NRXN1: variants seen among roughly 807,000 people sequenced by gnomAD.
The protein encoded by NRXN1 is neurexin 1, also known as neurexin-1.
NRXN1 carries 39 observed loss-of-function variants against 150.9 expected under a neutral mutation model. The ratio of observed to expected loss-of-function variants is 0.26; its 90% CI spans 0.20 to 0.34. NRXN1 has a LOEUF of 0.34. NRXN1 is among the 10% of genes least tolerant of loss of function. The pLI is 1.00. For missense variants in NRXN1, 1,815 were observed against 1,949.9 expected (o/e 0.93, Z 1.30); for synonymous variants, 924 against 757.0 (o/e 1.22, Z -3.62).
intron 5 of NRXN1, among the ~76,000 whole-genome samples, chr2:50,776,201 G>C (rs1446726912): frequency 1.3e-5 from 2 of 152,006 alleles, no homozygotes; most frequent in African/African-American, 2.4e-5. Context: ...ATAAAATTTG[G>C]ATGTAAAATA....
chr2:50,549,987 G>A (rs905100845), intron 9 of NRXN1, among the ~76,000 whole-genome samples: 5 of 152,012 alleles, frequency 3.3e-5, no homozygotes, highest in Non-Finnish European at 7.4e-5. Flanking sequence ...ATAGAAGAAA[G>A]ACTGGAAAGA....
At chr2:50,405,131 C>G (rs1309381338) in intron 17 of NRXN1, among the ~76,000 whole-genome samples, 1 of 152,136 alleles carries the variant, frequency 6.6e-6, no homozygotes, top group African/African-American at 2.4e-5. Context: ...TCTTCAAAGT[C>G]AATATATCTG....
At chr2:50,221,230 A>G (rs1035581289) in intron 18 of NRXN1, among the ~76,000 whole-genome samples, 8 of 152,018 alleles carry the variant, frequency 5.3e-5, no homozygotes, top group Admixed American at 2.0e-4. Context: ...CTGCCTAACA[A>G]ATCAAAACAC....
At chr2:50,805,185 T>C (rs192318261) in intron 5 of NRXN1, among the ~76,000 whole-genome samples, 1 of 152,130 alleles carries the variant, frequency 6.6e-6, no homozygotes, top group East Asian at 1.9e-4. Context: ...AAAATATGTC[T>C]TCTACTAAAG....
intron 5 of NRXN1, among the ~76,000 whole-genome samples, chr2:50,652,944 T>G (rs542879423): frequency 2.8e-4 from 42 of 152,224 alleles, no homozygotes; most frequent in African/African-American, 8.9e-4. Context: ...ATGTTGAGCC[T>G]CTATCATTTG....
At chr2:50,556,682 GA>G (rs1356921794) in intron 8 of NRXN1, among the ~76,000 whole-genome samples, 1 of 152,030 alleles carries the variant, frequency 6.6e-6, no homozygotes, top group African/African-American at 2.4e-5. Flanking sequence ...TACCTTTGAG[GA>G]AAACAATCAC....
intron 2 of NRXN1, among the ~76,000 whole-genome samples, chr2:51,004,816 C>T (rs548516278): frequency 1.3e-5 from 2 of 151,828 alleles, no homozygotes; most frequent in African/African-American, 4.8e-5. Context: ...TTTCTTGTGC[C>T]AAGGTTACTG....
At chr2:50,481,797 G>A (rs1265378485) in intron 15 of NRXN1, among the ~76,000 whole-genome samples, 3 of 97,912 alleles carry the variant, frequency 3.1e-5, no homozygotes, top group South Asian at 3.2e-4. Context: ...ACGGAGTCTC[G>A]CTCTGTCGCC....
intron 18 of NRXN1, among the ~76,000 whole-genome samples, chr2:50,098,465 G>A (rs1395934308): frequency 6.6e-6 from 1 of 152,056 alleles, no homozygotes; most frequent in Non-Finnish European, 1.5e-5. Flanking sequence ...AGGTTCTAAT[G>A]CAACTCCCAG....
At chr2:50,280,811 A>T (rs1448471686) in intron 17 of NRXN1, among the ~76,000 whole-genome samples, 10 of 152,104 alleles carry the variant, frequency 6.6e-5, no homozygotes, top group Non-Finnish European at 8.8e-5. Flanking sequence ...CTGAGGGAAG[A>T]ATATGATTAA....
intron 8 of NRXN1, among the ~76,000 whole-genome samples, chr2:50,579,406 A>G (rs1671914775): frequency 6.6e-6 from 1 of 152,214 alleles, no homozygotes; most frequent in South Asian, 2.1e-4. Flanking sequence ...GATGCCCGTT[A>G]TCCTGGTACT....
intron 5 of NRXN1, among the ~76,000 whole-genome samples, chr2:50,695,607 C>T (rs1378251923): frequency 1.3e-5 from 2 of 151,886 alleles, no homozygotes; most frequent in Non-Finnish European, 2.9e-5. Context: ...AATTATTGTA[C>T]AAAACGAGAA....
intron 17 of NRXN1, among the ~76,000 whole-genome samples, chr2:50,286,785 T>C (rs1001446682): frequency 1.3e-5 from 2 of 152,096 alleles, no homozygotes; most frequent in Non-Finnish European, 2.9e-5. Flanking sequence ...ATATAGAAAT[T>C]CATATTATCG....
intron 5 of NRXN1, among the ~76,000 whole-genome samples, chr2:50,723,328 G>A (rs377270541): frequency 1.3e-4 from 20 of 152,114 alleles, no homozygotes; most frequent in African/African-American, 2.9e-4. Context: ...GTGTCTTGTC[G>A]GTTTTGAAGA....
intron 5 of NRXN1, among the ~76,000 whole-genome samples, chr2:50,754,824 C>T (rs1032660873): frequency 6.6e-6 from 1 of 151,898 alleles, no homozygotes; most frequent in Non-Finnish European, 1.5e-5. Context: ...AAAAGTATTA[C>T]TGAAAAATGT....
At chr2:49,948,829 C>T (rs72834716) in intron 21 of NRXN1, among the ~76,000 whole-genome samples, 187 of 151,862 alleles carry the variant, frequency 1.2e-3, no homozygotes, top group Non-Finnish European at 2.0e-3. Context: ...AGACAACCTG[C>T]TGAAAAAGAC....
chr2:50,793,286 G>C (rs942277321), intron 5 of NRXN1, among the ~76,000 whole-genome samples: 1 of 152,182 alleles, frequency 6.6e-6, no homozygotes, highest in East Asian at 1.9e-4. Context: ...GTATGAAAAT[G>C]TTCAGATAAA....
At chr2:50,031,590 T>C (rs1197991929) in intron 21 of NRXN1, among the ~76,000 whole-genome samples, 1 of 152,024 alleles carries the variant, frequency 6.6e-6, no homozygotes, top group East Asian at 1.9e-4. Flanking sequence ...AGTAAACAAA[T>C]ATTACTTTGC....
At chr2:50,794,999 A>G (rs1410762603) in intron 5 of NRXN1, among the ~76,000 whole-genome samples, 2 of 152,128 alleles carry the variant, frequency 1.3e-5, no homozygotes, top group African/African-American at 4.8e-5. Flanking sequence ...ATTTTTTCCA[A>G]GCCTTACAAA....
Sources: gnomAD v4.1 joint callset for allele counts (sites outside exome capture counted in the v4.1 genomes callset) on GRCh38, gnomAD v4.1.1 for gene constraint, MANE v1.5 for transcripts, NCBI Gene and HGNC (gene_info 2026-07-23, HGNC 2026-07-21) for gene names.